The following RANBP10 variants were observed in gnomAD, a reference collection of about 807,000 sequenced individuals.
RANBP10 encodes ran-binding protein 10.
In RANBP10, 24 loss-of-function variants were observed where a neutral mutation model predicts 72.8. The observed-to-expected ratio is 0.33, with a 90% CI of 0.24 to 0.46. The LOEUF (loss-of-function observed/expected upper bound fraction) is 0.46. Ranked by LOEUF, RANBP10 falls within the 20% of genes least tolerant of loss-of-function variation. The pLI is 1.00. For synonymous variants in RANBP10, 310 were observed against 322.3 expected, an observed-to-expected ratio of 0.96 and a Z score of 0.41; for missense variants, 679 against 817.5, an observed-to-expected ratio of 0.83 and a Z score of 2.07.
In RANBP10 at chr16:67,736,490, A is replaced by G. The variant is rs962958371; in HGVS notation, c.592-1448T>C. On this transcript the variant is annotated intron_variant, in intron 5 of 13. Transcript: ENST00000317506. ...ATGCATTTTTGTACCTGCACAAGGT[A>G]TGGGACCTTTTCCTGTATGCTGGCT... is the stretch of plus-strand genomic sequence containing the variant. 5.9e-5 allele frequency among the ~76,000 whole-genome samples: 9 copies of G among 152,180 alleles called. 1 individual carries two copies. Among genetic ancestry groups the G allele is most frequent in the African/African-American group, 2.2e-4 (9 of 41,442 alleles).
At chr16:67,768,146 T>C (rs1046774119) in intron 3 of RANBP10, among the ~76,000 whole-genome samples, 1 of 151,930 alleles carries the variant, frequency 6.6e-6, no homozygotes. Flanking sequence ...TCCCAGCACT[T>C]TGGGAGGCCG....
intron 2 of RANBP10, among the ~76,000 whole-genome samples, chr16:67,776,744 C>T (rs188079074): frequency 6.7e-6 from 1 of 149,662 alleles, no homozygotes; most frequent in Non-Finnish European, 1.5e-5. Context: ...TGCACTCCAG[C>T]CTGGGTGACA....
rs771415031 is a variant in RANBP10, at chr16:67,728,477, G to A, written c.1387C>T (p.Pro463Ser). The change falls in exon 11 of 14, where the codon CCC becomes TCC. Residue 463 changes from proline to serine, a missense_variant. Pro to Ser is a moderately conservative substitution (Grantham distance 74, BLOSUM62 -1). Transcript: ENST00000317506. ...SEMEMEAEHY[P>S]NGVLGSMSTR... The stretch of plus-strand genomic sequence containing the variant: ...GACATGCTTCCTAGCACACCGTTGG[G>A]GTAGTGCTCTGCCTCCATCTCCATC... The A allele has an allele frequency of 6.2e-7, 1 of 1,614,184 alleles. No homozygotes were observed. Among genetic ancestry groups the A allele is most frequent in the Admixed American group, 1.7e-5 (1 of 60,030 alleles).
At chr16:67,761,822 C>T (rs767099905) in intron 3 of RANBP10, among the ~76,000 whole-genome samples, 9 of 152,182 alleles carry the variant, frequency 5.9e-5, no homozygotes, top group Non-Finnish European at 1.2e-4. Context: ...CTGCCCGCCT[C>T]GGCCTCTCAA....
intron 1 of RANBP10, 119 bp from the exon 2 acceptor site, chr16:67,805,658 A>T (rs2151169038): frequency 1.3e-6 from 1 of 765,194 alleles, no homozygotes; most frequent in East Asian, 2.7e-5. Flanking sequence ...ACGCACTTAC[A>T]CAGGCCGAGG....
In RANBP10 at chr16:67,730,167, G is replaced by A; in HGVS notation, c.890-121C>T. On this transcript the variant is annotated intron_variant, in intron 7 of 13. Transcript: ENST00000317506. This position sits in a 1 kb window ranked among gnomAD's most constrained non-coding sequence, Gnocchi z 4.3. ...TCAGAGTGCCTCGCCAGCTTGAAAT[G>A]CTCACAGGAGAGGAGGCTGGAGAAA... 1 of 808,178 alleles carries A rather than the reference G, an allele frequency of 1.2e-6. No homozygotes were observed. The highest frequency in any genetic ancestry group is 2.0e-6 in the Non-Finnish European group (1 of 500,618). 50.1% of individuals were successfully genotyped at this position (808,178 alleles called of 1,614,324 possible). A position where few individuals can be genotyped will look rare whatever the true frequency, so the allele number is the denominator to read the frequency against.
At chr16:67,742,245 G>A (rs1247301285) in intron 4 of RANBP10, among the ~76,000 whole-genome samples, 3 of 152,046 alleles carry the variant, frequency 2.0e-5, no homozygotes, top group Admixed American at 2.0e-4. Flanking sequence ...TGTCTTCCAG[G>A]ACAAGCTCAA....
intron 2 of RANBP10, among the ~76,000 whole-genome samples, chr16:67,794,386 G>A (rs988041432): frequency 3.3e-5 from 5 of 151,580 alleles, no homozygotes; most frequent in South Asian, 2.1e-4. Context: ...GGAGTGAGCC[G>A]AGGTCATGCT....
chr16:67,804,032 G>C (rs1437474726), intron 2 of RANBP10, among the ~76,000 whole-genome samples: 1 of 151,872 alleles, frequency 6.6e-6, no homozygotes, highest in Non-Finnish European at 1.5e-5. Context: ...CATCACTGAG[G>C]AAGTAGGCAA....
chr16:67,786,726 G>A (rs1346230246), intron 2 of RANBP10, among the ~76,000 whole-genome samples: 3 of 152,010 alleles, frequency 2.0e-5, no homozygotes, highest in African/African-American at 7.3e-5. Flanking sequence ...TCAGGAGTTC[G>A]AGGACAGCCT....
intron 2 of RANBP10, among the ~76,000 whole-genome samples, chr16:67,788,504 G>A (rs1161494377): frequency 1.3e-5 from 2 of 151,498 alleles, no homozygotes; most frequent in African/African-American, 4.9e-5. Flanking sequence ...TGATCCACCC[G>A]CCTCGGCCTC....
intron 3 of RANBP10, among the ~76,000 whole-genome samples, chr16:67,764,830 A>C (rs1393276536): frequency 6.6e-6 from 1 of 152,270 alleles, no homozygotes; most frequent in Non-Finnish European, 1.5e-5. Context: ...AAATGCCAGT[A>C]GAACATTTTG....
At chr16:67,799,142 G>T (rs2055186835) in intron 2 of RANBP10, among the ~76,000 whole-genome samples, 1 of 151,994 alleles carries the variant, frequency 6.6e-6, no homozygotes, top group Non-Finnish European at 1.5e-5. Flanking sequence ...CGCCATGTTG[G>T]CCAGGCTGTT....
intron 2 of RANBP10, among the ~76,000 whole-genome samples, chr16:67,799,934 A>C (rs557380243): frequency 1.3e-5 from 2 of 152,218 alleles, no homozygotes; most frequent in Admixed American, 1.3e-4. Flanking sequence ...CATCCTGGCC[A>C]ACATGGTGAA....
intron 4 of RANBP10, among the ~76,000 whole-genome samples, chr16:67,743,706 C>T (rs956548433): frequency 3.9e-5 from 6 of 152,200 alleles, no homozygotes; most frequent in Non-Finnish European, 7.4e-5. Context: ...GTCCTGCACC[C>T]ATCCCCACTG....
intron 3 of RANBP10, among the ~76,000 whole-genome samples, chr16:67,756,350 G>C (rs2054285120): frequency 6.6e-6 from 1 of 152,258 alleles, no homozygotes; most frequent in Non-Finnish European, 1.5e-5. Context: ...CAAGGGGCTA[G>C]GGCTGTGCCT....
chr16:67,801,085 GTTC>G (rs1278756927), intron 2 of RANBP10, among the ~76,000 whole-genome samples: 1 of 152,120 alleles, frequency 6.6e-6, no homozygotes, highest in African/African-American at 2.4e-5. Flanking sequence ...AGCTTAGTGT[GTTC>G]TTCTCCAAAA....
At chr16:67,797,168 A>G (rs942641616) in intron 2 of RANBP10, among the ~76,000 whole-genome samples, 1 of 152,232 alleles carries the variant, frequency 6.6e-6, no homozygotes, top group African/African-American at 2.4e-5. Flanking sequence ...ACCATGACCC[A>G]TACAGGGAAA....
chr16:67,786,660 G>C (rs996071959), intron 2 of RANBP10, among the ~76,000 whole-genome samples: 5 of 152,206 alleles, frequency 3.3e-5, no homozygotes, highest in African/African-American at 1.2e-4. Flanking sequence ...AAGTGCAGTG[G>C]CTCACGCCTG....
Sources: allele counts gnomAD v4.1 joint callset (sites outside exome capture counted in the v4.1 genomes callset), GRCh38; gene constraint gnomAD v4.1.1; non-coding constraint Gnocchi (gnomAD v3.1); transcripts MANE v1.5; gene names NCBI Gene and HGNC (gene_info 2026-07-23, HGNC 2026-07-21).